RBFOX1: variants seen among roughly 807,000 people sequenced by gnomAD.
RBFOX1 encodes the protein RNA binding fox-1 homolog 1, also known as RNA binding protein fox-1 homolog 1.
A neutral mutation model predicts 57.7 loss-of-function variants in RBFOX1; 8 were observed. That is an observed-to-expected ratio of 0.14 (90% confidence interval 0.08 to 0.25). The LOEUF (loss-of-function observed/expected upper bound fraction) is 0.25. Ranked by LOEUF, RBFOX1 falls within the 10% of genes least tolerant of loss-of-function variation. RBFOX1 has a pLI of 1.00. For missense variants in RBFOX1, 611 were observed against 548.5 expected (o/e 1.11, Z -1.14); for synonymous variants, 326 against 222.4 (o/e 1.47, Z -4.15).
intron 4 of RBFOX1, among the ~76,000 whole-genome samples, chr16:5,981,879 A>T (rs561597778): frequency 6.6e-5 from 10 of 152,352 alleles, no homozygotes; most frequent in Admixed American, 5.9e-4. Context: ...ACTTGTGTTT[A>T]GCGGGCGGAG....
intron 3 of RBFOX1, among the ~76,000 whole-genome samples, chr16:6,776,407 C>T (rs1603620042): frequency 6.8e-6 from 1 of 147,004 alleles, no homozygotes; most frequent in Non-Finnish European, 1.5e-5. Context: ...TGAGACTCCA[C>T]CTCGGAAAAA....
chr16:7,183,339 A>C (rs1221375937), intron 4 of RBFOX1, among the ~76,000 whole-genome samples: 2 of 152,150 alleles, frequency 1.3e-5, no homozygotes, highest in East Asian at 1.9e-4. Context: ...GTTGATCTCA[A>C]ATTTGACAGA....
chr16:6,333,034 T>C (rs1213925059), intron 2 of RBFOX1, among the ~76,000 whole-genome samples: 3 of 152,186 alleles, frequency 2.0e-5, no homozygotes, highest in Non-Finnish European at 2.9e-5. Flanking sequence ...CCTTGACATG[T>C]GACATTCTTT....
intron 4 of RBFOX1, among the ~76,000 whole-genome samples, chr16:7,348,604 G>C (rs1390416307): frequency 6.6e-6 from 1 of 152,128 alleles, no homozygotes; most frequent in Non-Finnish European, 1.5e-5. Flanking sequence ...AAAGAAGATA[G>C]GGACAAAGAA....
At chr16:6,831,181 G>A (rs541278309) in intron 3 of RBFOX1, among the ~76,000 whole-genome samples, 1 of 152,274 alleles carries the variant, frequency 6.6e-6, no homozygotes, top group East Asian at 1.9e-4. Context: ...ATTTGGAGGT[G>A]GGGAATGAGA....
chr16:6,860,981 A>G (rs888138120), intron 3 of RBFOX1, among the ~76,000 whole-genome samples: 3 of 152,204 alleles, frequency 2.0e-5, no homozygotes, highest in African/African-American at 4.8e-5. Context: ...AGATAGAGCT[A>G]TGTGGGAATG....
At chr16:6,693,409 C>T (rs913962948) in intron 3 of RBFOX1, among the ~76,000 whole-genome samples, 1 of 151,180 alleles carries the variant, frequency 6.6e-6, no homozygotes, top group Non-Finnish European at 1.5e-5. Context: ...CCATCCACTA[C>T]CATCACCACT....
At chr16:7,225,745 C>G in intron 4 of RBFOX1, among the ~76,000 whole-genome samples, 1 of 105,664 alleles carries the variant, frequency 9.5e-6, no homozygotes. Context: ...ATGTGAATGT[C>G]AGACATTTGG....
chr16:5,304,363 C>G (rs1207004394), intron 1 of RBFOX1, among the ~76,000 whole-genome samples: 1 of 152,200 alleles, frequency 6.6e-6, no homozygotes, highest in African/African-American at 2.4e-5. Context: ...CTATAATCCT[C>G]CCATATTTAT....
At chr16:6,170,932 G>C (rs975892650) in intron 1 of RBFOX1, among the ~76,000 whole-genome samples, 1 of 152,040 alleles carries the variant, frequency 6.6e-6, no homozygotes, top group Non-Finnish European at 1.5e-5. Flanking sequence ...TTTCTTTTTT[G>C]TAGTTGCATA....
intron 4 of RBFOX1, among the ~76,000 whole-genome samples, chr16:7,263,261 TACCCAGGA>T (rs2094993213): frequency 6.6e-6 from 1 of 152,198 alleles, no homozygotes; most frequent in South Asian, 2.1e-4. Flanking sequence ...ACATCCTTAG[TACCCAGGA>T]AGCACAGGGG....
intron 3 of RBFOX1, among the ~76,000 whole-genome samples, chr16:6,789,960 T>C (rs954581336): frequency 1.3e-5 from 2 of 151,736 alleles, no homozygotes; most frequent in Non-Finnish European, 2.9e-5. Flanking sequence ...TGATTTCTGG[T>C]CTTCCGTAAC....
chr16:5,363,340 C>A (rs913828846), intron 1 of RBFOX1, among the ~76,000 whole-genome samples: 5 of 152,080 alleles, frequency 3.3e-5, no homozygotes, highest in African/African-American at 9.7e-5. Flanking sequence ...CCACCGTGTC[C>A]AGCCTATTTT....
At chr16:6,267,239 G>GA (rs1209225773) in intron 1 of RBFOX1, among the ~76,000 whole-genome samples, 1 of 151,782 alleles carries the variant, frequency 6.6e-6, no homozygotes, top group Non-Finnish European at 1.5e-5. Context: ...TATATGGGCA[G>GA]AAAAAAAACT....
chr16:5,494,110 C>G (rs1378851574), intron 2 of RBFOX1, among the ~76,000 whole-genome samples: 1 of 152,150 alleles, frequency 6.6e-6, no homozygotes, highest in African/African-American at 2.4e-5. Flanking sequence ...TACTCACGTG[C>G]TTTGCTGTCC....
intron 3 of RBFOX1, among the ~76,000 whole-genome samples, chr16:5,716,401 C>G (rs1011360303): frequency 1.3e-5 from 2 of 152,192 alleles, no homozygotes; most frequent in Non-Finnish European, 1.5e-5. Flanking sequence ...CTCCTCTCAC[C>G]TTCCACCCTC....
intron 4 of RBFOX1, among the ~76,000 whole-genome samples, chr16:5,888,442 A>G (rs1288084981): frequency 6.6e-6 from 1 of 152,154 alleles, no homozygotes; most frequent in Non-Finnish European, 1.5e-5. Context: ...TCTAAGTCAC[A>G]GTGTCCTGCT....
At chr16:6,224,456 C>T (rs1394131190) in intron 1 of RBFOX1, among the ~76,000 whole-genome samples, 1 of 151,998 alleles carries the variant, frequency 6.6e-6, no homozygotes, top group Admixed American at 6.6e-5. Flanking sequence ...TTTACAAATT[C>T]TTAGGCAGTG....
chr16:6,840,946 G>A (rs2093428407), intron 3 of RBFOX1, among the ~76,000 whole-genome samples: 1 of 151,210 alleles, frequency 6.6e-6, no homozygotes. Context: ...TTAATCATGT[G>A]AAGTTAGAGT....
Sources: gnomAD v4.1 joint callset for allele counts (sites outside exome capture counted in the v4.1 genomes callset) on GRCh38, gnomAD v4.1.1 for gene constraint, MANE v1.5 for transcripts, NCBI Gene and HGNC (gene_info 2026-07-23, HGNC 2026-07-21) for gene names.